The following ELP4 variants were observed in gnomAD, a reference collection of about 807,000 sequenced individuals.
The protein encoded by ELP4 is elongator complex protein 4.
Under a neutral mutation model 48.9 loss-of-function variants are expected in ELP4, and 51 were observed. That is an observed-to-expected ratio of 1.04 (90% CI 0.83 to 1.32). The LOEUF is 1.32. Among genes scored for constraint, ELP4 ranks in the 40% most tolerant of loss-of-function variants. ELP4 has a pLI of 0.00. For synonymous variants in ELP4, 210 were observed against 189.2 expected (o/e 1.11, Z -0.90); for missense variants, 519 against 514.6 (o/e 1.01, Z -0.08).
intron 4 of ELP4, 50 bp from the exon 5 acceptor site, chr11:31,603,718 A>G (rs1282823682): frequency 2.5e-6 from 4 of 1,572,108 alleles, no homozygotes; most frequent in East Asian, 2.3e-5. Context: ...CAAATAAATT[A>G]TAGCTTAAAA....
In ELP4 at chr11:31,738,779, A is replaced by G. The variant is rs933945657; in HGVS notation, c.1144-44614A>G. 5.3e-5 allele frequency among the ~76,000 whole-genome samples: 8 copies of G among 152,292 alleles called. 1 individual carries two copies. The highest frequency in any genetic ancestry group is 6.5e-5 in the Admixed American group (1 of 15,284). The stretch of plus-strand genomic sequence containing the variant: ...AATTATAACATATTCTGCAGCATGG[A>G]TGAATCTTGAGGACATTATGCTAAA... On this transcript the variant is annotated intron_variant, in intron 9 of 9. Transcript: ENST00000640961.
chr11:31,535,038 T>C (rs538582480), intron 2 of ELP4, among the ~76,000 whole-genome samples: 3 of 152,304 alleles, frequency 2.0e-5, no homozygotes, highest in Admixed American at 1.3e-4. Flanking sequence ...TGCAGAAGCA[T>C]TGAAAACATT....
At chr11:31,728,175 C>T (rs928032327) in intron 9 of ELP4, among the ~76,000 whole-genome samples, 5 of 151,996 alleles carry the variant, frequency 3.3e-5, no homozygotes, top group African/African-American at 4.8e-5. Flanking sequence ...TTGAAGAATA[C>T]GTAATCTATT....
chr11:31,738,246 A>AAAAAAAAAAAAT, intron 9 of ELP4, among the ~76,000 whole-genome samples: 1 of 147,324 alleles, frequency 6.8e-6, no homozygotes, highest in Non-Finnish European at 1.5e-5. Flanking sequence ...AAAAAAAAAA[A>AAAAAAAAAAAAT]AAAAAAAAAA....
chr11:31,580,886 A>G (rs2133971831), intron 3 of ELP4: 1 of 152,238 alleles, frequency 6.6e-6, no homozygotes, highest in East Asian at 1.9e-4. Context: ...CTGGTCTATC[A>G]CTTTCTTTAT....
chr11:31,595,279 A>C (rs1245927759), intron 4 of ELP4, among the ~76,000 whole-genome samples: 1 of 152,116 alleles, frequency 6.6e-6, no homozygotes, highest in Admixed American at 6.5e-5. Flanking sequence ...TTTCAAACTC[A>C]TCTATCTGGT....
At chr11:31,638,384 T>A (rs1945023954) in intron 7 of ELP4, among the ~76,000 whole-genome samples, 1 of 151,878 alleles carries the variant, frequency 6.6e-6, no homozygotes, top group Non-Finnish European at 1.5e-5. Context: ...ATATTTTCAT[T>A]TGTCATCATT....
At position 31,755,241 on chromosome 11, in the gene ELP4, A is replaced by G. The variant is rs529160382; in HGVS notation, c.1144-28152A>G. ...TTCATACTATTGTAATAAATAAATTAATGAATTAGTAAATCTAGAAGGAAA... is the reference window on the plus strand; with the variant it reads ...TTCATACTATTGTAATAAATAAATTGATGAATTAGTAAATCTAGAAGGAAA... On this transcript the variant is annotated intron_variant, in intron 9 of 9. Coordinates refer to ENST00000640961, the MANE Select transcript of ELP4 (RefSeq NM_019040.5). Among the ~76,000 whole-genome samples the G allele has an allele frequency of 9.6e-4, 147 of 152,358 alleles. 2 individuals are homozygous for G. The highest frequency in any genetic ancestry group is 3.4e-3 in the African/African-American group (140 of 41,590).
At chr11:31,700,891 T>G (rs1271828614) in intron 9 of ELP4, among the ~76,000 whole-genome samples, 33 of 152,118 alleles carry the variant, frequency 2.2e-4, no homozygotes, top group Admixed American at 2.2e-3. Context: ...TCTCCTTGCC[T>G]ATGTCATATA....
chr11:31,549,279 C>G (rs1460886848), intron 3 of ELP4, among the ~76,000 whole-genome samples: 1 of 151,792 alleles, frequency 6.6e-6, no homozygotes, highest in African/African-American at 2.4e-5. Context: ...TGAACTCAAA[C>G]AAATTTACAA....
At chr11:31,695,416 T>C (rs539579084) in intron 9 of ELP4, among the ~76,000 whole-genome samples, 15 of 152,138 alleles carry the variant, frequency 9.9e-5, no homozygotes, top group South Asian at 6.2e-4. Flanking sequence ...TTGAGATAAT[T>C]ATGTGGTTTT....
chr11:31,684,833 A>G (rs1229647722), intron 9 of ELP4, among the ~76,000 whole-genome samples: 2 of 152,214 alleles, frequency 1.3e-5, no homozygotes, highest in South Asian at 4.1e-4. Context: ...AGACTGTTAC[A>G]ATAGACTTTT....
chr11:31,539,466 C>T (rs150987091), intron 2 of ELP4, among the ~76,000 whole-genome samples, 196 bp from the exon 3 acceptor site: 291 of 152,210 alleles, frequency 1.9e-3, no homozygotes, highest in African/African-American at 6.6e-3. Context: ...AAAAAAAGTG[C>T]CTAGTTCTCA....
At chr11:31,765,586 A>G (rs1026498969) in intron 9 of ELP4, among the ~76,000 whole-genome samples, 2 of 152,160 alleles carry the variant, frequency 1.3e-5, no homozygotes, top group African/African-American at 4.8e-5. Context: ...CAAAGAGATG[A>G]GTTGTATTTG....
chr11:31,612,950 T>A (rs1365877505), intron 5 of ELP4, among the ~76,000 whole-genome samples: 2 of 152,150 alleles, frequency 1.3e-5, no homozygotes, highest in Non-Finnish European at 2.9e-5. Flanking sequence ...CAACCAAATG[T>A]CCCAAATATT....
At chr11:31,760,320 T>G (rs1947918895) in intron 9 of ELP4, among the ~76,000 whole-genome samples, 1 of 152,210 alleles carries the variant, frequency 6.6e-6, no homozygotes, top group Non-Finnish European at 1.5e-5. Flanking sequence ...AAATCTAATC[T>G]AGGCTCAAAA....
intron 4 of ELP4, among the ~76,000 whole-genome samples, chr11:31,602,753 C>T (rs894566153): frequency 1.3e-5 from 2 of 151,822 alleles, no homozygotes; most frequent in East Asian, 1.9e-4. Context: ...TAAGTATCTA[C>T]TATGTATAGT....
At chr11:31,756,168 A>C (rs1592284618) in intron 9 of ELP4, among the ~76,000 whole-genome samples, 1 of 152,152 alleles carries the variant, frequency 6.6e-6, no homozygotes, top group East Asian at 1.9e-4. Context: ...TGGCCTCCTA[A>C]TTGGTCTCCC....
intron 9 of ELP4, among the ~76,000 whole-genome samples, chr11:31,704,873 T>C (rs1408691435): frequency 6.6e-6 from 1 of 151,708 alleles, no homozygotes; most frequent in Non-Finnish European, 1.5e-5. Context: ...TAGCCGGGCA[T>C]GGTGGTGCGC....
Sources: gnomAD v4.1 joint callset for allele counts (sites outside exome capture counted in the v4.1 genomes callset) on GRCh38, gnomAD v4.1.1 for gene constraint, MANE v1.5 for transcripts, NCBI Gene and HGNC (gene_info 2026-07-23, HGNC 2026-07-21) for gene names.